HEMK2: variants seen among roughly 807,000 people sequenced by gnomAD.
The protein encoded by HEMK2 is methyltransferase HEMK2.
chr21:28,763,617 C>A, the HEMK2 span, among the ~76,000 whole-genome samples: 1 of 152,072 alleles, frequency 6.6e-6, no homozygotes, highest in Non-Finnish European at 1.5e-5. Flanking sequence ...CCTCAGCAGT[C>A]TTATCAGAAG....
the HEMK2 span, among the ~76,000 whole-genome samples, chr21:28,709,283 G>T: frequency 1.3e-5 from 2 of 152,196 alleles, no homozygotes; most frequent in Non-Finnish European, 2.9e-5. Flanking sequence ...GTAGAATACA[G>T]AGTTAATATG....
the HEMK2 span, among the ~76,000 whole-genome samples, chr21:28,830,228 C>T: frequency 6.6e-6 from 1 of 152,088 alleles, no homozygotes; most frequent in Non-Finnish European, 1.5e-5. Context: ...ACTGTAATTC[C>T]CAATGTTGGG....
At chr21:28,624,796 G>A in the HEMK2 span, among the ~76,000 whole-genome samples, 3 of 152,118 alleles carry the variant, frequency 2.0e-5, no homozygotes, top group Admixed American at 6.5e-5. Context: ...AACAAACAAG[G>A]TAGCCTGTCT....
the HEMK2 span, among the ~76,000 whole-genome samples, chr21:28,819,087 T>C: frequency 2.0e-5 from 3 of 152,322 alleles, no homozygotes; most frequent in African/African-American, 7.2e-5. Context: ...CCTCAGTTAG[T>C]GAATACTCAA....
At chr21:28,613,733 C>T in the HEMK2 span, among the ~76,000 whole-genome samples, 2 of 141,964 alleles carry the variant, frequency 1.4e-5, no homozygotes, top group African/African-American at 5.3e-5. Flanking sequence ...TAATGTGTCA[C>T]ATTTCCAAGA....
the HEMK2 span, among the ~76,000 whole-genome samples, chr21:28,735,062 C>G: frequency 6.6e-6 from 1 of 152,118 alleles, no homozygotes; most frequent in East Asian, 1.9e-4. Flanking sequence ...ATCTCTCATT[C>G]CCCAGAAGGC....
the HEMK2 span, among the ~76,000 whole-genome samples, chr21:28,783,476 C>T: frequency 0.016 from 2,484 of 152,354 alleles, 70 homozygotes; most frequent in African/African-American, 0.055. Context: ...TGAGCCACTG[C>T]ACCCACCTTA....
chr21:28,826,616 G>A, the HEMK2 span, among the ~76,000 whole-genome samples: 2 of 152,124 alleles, frequency 1.3e-5, no homozygotes, highest in African/African-American at 2.4e-5. Context: ...TCCACAGACT[G>A]TATAAAAATA....
the HEMK2 span, among the ~76,000 whole-genome samples, chr21:28,634,705 C>T: frequency 1.4e-4 from 21 of 152,120 alleles, no homozygotes; most frequent in Middle Eastern, 6.8e-3. Context: ...GACAATTTAC[C>T]GAACCTCTCT....
the HEMK2 span, among the ~76,000 whole-genome samples, chr21:28,828,266 T>C: frequency 5.3e-5 from 8 of 152,030 alleles, no homozygotes; most frequent in Non-Finnish European, 8.8e-5. Flanking sequence ...ACACAGTAAG[T>C]AAGGAGGAAG....
chr21:28,597,279 C>T, the HEMK2 span, among the ~76,000 whole-genome samples: 55 of 152,256 alleles, frequency 3.6e-4, no homozygotes, highest in African/African-American at 1.3e-3. Flanking sequence ...AGGGAATTGC[C>T]TGAACAAGCC....
chr21:28,873,399 CA>C, the HEMK2 span: 5 of 152,362 alleles, frequency 3.3e-5, no homozygotes, highest in African/African-American at 1.2e-4. Context: ...ATACTTATGA[CA>C]ATCACAGTCT....
the HEMK2 span, among the ~76,000 whole-genome samples, chr21:28,775,137 C>T: frequency 1.3e-5 from 2 of 152,298 alleles, no homozygotes; most frequent in East Asian, 1.9e-4. Context: ...TAGAGATAAT[C>T]TTATGCCACC....
the HEMK2 span, among the ~76,000 whole-genome samples, chr21:28,855,051 A>G: frequency 6.6e-6 from 1 of 152,232 alleles, no homozygotes; most frequent in South Asian, 2.1e-4. Flanking sequence ...AAATGCCTCA[A>G]TTAAAAGGCA....
chr21:28,717,831 T>G, the HEMK2 span, among the ~76,000 whole-genome samples: 1 of 152,132 alleles, frequency 6.6e-6, no homozygotes, highest in South Asian at 2.1e-4. Context: ...TTTTTCTTTG[T>G]TAGTCTAGTT....
chr21:28,731,759 T>TAA, the HEMK2 span, among the ~76,000 whole-genome samples: 1 of 141,158 alleles, frequency 7.1e-6, no homozygotes, highest in South Asian at 2.2e-4. Flanking sequence ...AGTATAATAA[T>TAA]AAAAAAAAAA....
chr21:28,651,099 T>A, the HEMK2 span, among the ~76,000 whole-genome samples: 1 of 152,128 alleles, frequency 6.6e-6, no homozygotes, highest in Admixed American at 6.6e-5. Flanking sequence ...AGGAAGATAG[T>A]TAGAGCTACA....
the HEMK2 span, chr21:28,872,597 C>T: frequency 6.6e-6 from 1 of 152,178 alleles, no homozygotes; most frequent in Non-Finnish European, 1.5e-5. Flanking sequence ...ACCAGTACTA[C>T]AAGAAAGTGG....
At chr21:28,691,389 G>T in the HEMK2 span, among the ~76,000 whole-genome samples, 2 of 152,048 alleles carry the variant, frequency 1.3e-5, no homozygotes, top group South Asian at 2.1e-4. Flanking sequence ...CTCTGATGGG[G>T]TTCACTCCAC....
Sources: gnomAD v4.1 joint callset for allele counts (sites outside exome capture counted in the v4.1 genomes callset) on GRCh38, gnomAD v4.1.1 for gene constraint, MANE v1.5 for transcripts, NCBI Gene and HGNC (gene_info 2026-07-23, HGNC 2026-07-21) for gene names.